The following GTF3C6 variants were observed in gnomAD, a reference collection of about 807,000 sequenced individuals.
The protein encoded by GTF3C6 is general transcription factor IIIC subunit 6.
GTF3C6 carries 11 observed loss-of-function variants against 19.2 expected under a neutral mutation model. The ratio of observed to expected loss-of-function variants is 0.57; its 90% CI spans 0.36 to 0.95. The LOEUF (loss-of-function observed/expected upper bound fraction) is 0.95, where lower values mean the gene tolerates loss of function less well. GTF3C6 is among the 40% of genes least tolerant of loss of function. The pLI, the probability that GTF3C6 is intolerant of heterozygous loss-of-function variation, is 0.01. For synonymous variants in GTF3C6, 87 were observed against 84.2 expected (o/e 1.03, Z -0.18); for missense variants, 222 against 254.7 (o/e 0.87, Z 0.87).
At position 110,966,480 on chromosome 6, in the gene GTF3C6, GA is replaced by G. The variant is rs760205187; in HGVS notation, c.362-1021del. Among the ~76,000 whole-genome samples the G allele has an allele frequency of 3.3e-4, 50 of 150,750 alleles. 2 individuals are homozygous for G. The East Asian group carries it at 8.8e-3, about 26-fold the overall frequency. On this transcript the variant is annotated intron_variant, in intron 5 of 5. Coordinates refer to ENST00000329970, the MANE Select transcript of GTF3C6 (RefSeq NM_138408.4). ...TGACAAAGTGAGACTCCATCTCAAA[GA>G]AAAAAAAAGTCACAGTCTTGTCATT...
intron 5 of GTF3C6, among the ~76,000 whole-genome samples, chr6:110,966,213 C>T (rs1237315954): frequency 6.6e-6 from 1 of 152,154 alleles, no homozygotes; most frequent in Non-Finnish European, 1.5e-5. Flanking sequence ...GTGGCTCACA[C>T]CTGTAATCCC....
chr6:110,959,118 G>A lies in GTF3C6; in HGVS notation c.58-54G>A. ...GGAAATTTGGCTTCTTTTGCTAATT[G>A]CTCCCTCTTGGCCGCTCGCGTGCTA... On this transcript the variant is annotated intron_variant, in intron 1 of 5. Coordinates refer to ENST00000329970, the MANE Select transcript of GTF3C6 (RefSeq NM_138408.4). 3.9e-6 allele frequency: 5 copies of A among 1,281,202 alleles called. No homozygotes were observed. In the South Asian group the frequency reaches 4.8e-5, roughly 12 times the overall value. The allele number at this position is 1,281,202 out of a possible 1,614,324, so 79.4% of individuals were successfully genotyped here.
At chr6:110,958,972 G>A in intron 1 of GTF3C6, 146 bp downstream of exon 1, 1 of 964,502 alleles carries the variant, frequency 1.0e-6, no homozygotes, top group Non-Finnish European at 1.6e-6. Flanking sequence ...GCGAGGAGCC[G>A]GGCAGCTTGG....
intron 2 of GTF3C6, among the ~76,000 whole-genome samples, chr6:110,959,559 T>C (rs1771131534): frequency 6.6e-6 from 1 of 152,238 alleles, no homozygotes; most frequent in Admixed American, 6.5e-5. Context: ...ACCGTACATA[T>C]ATTCCTGTAT....
chr6:110,963,656 T>C (rs1036255106), intron 5 of GTF3C6, among the ~76,000 whole-genome samples: 10 of 151,448 alleles, frequency 6.6e-5, no homozygotes, highest in African/African-American at 2.2e-4. Flanking sequence ...TGGAAACTTC[T>C]GGCAGCTGCA....
At chr6:110,967,363 A>C (rs868063475) in intron 5 of GTF3C6, 147 bp from the exon 6 acceptor site, 2 of 662,890 alleles carry the variant, frequency 3.0e-6, no homozygotes, top group Admixed American at 6.4e-5. Flanking sequence ...ATATTTTATC[A>C]GTAGTTACAG....
At chr6:110,958,864 C>A in intron 1 of GTF3C6, 38 bp downstream of exon 1, 1 of 1,542,716 alleles carries the variant, frequency 6.5e-7, no homozygotes, top group South Asian at 1.2e-5. Context: ...ACCGCAGTGG[C>A]GGTGATGCCT....
At chr6:110,964,209 G>A (rs975732149) in intron 5 of GTF3C6, among the ~76,000 whole-genome samples, 3 of 151,720 alleles carry the variant, frequency 2.0e-5, no homozygotes, top group African/African-American at 7.3e-5. Context: ...GACCACAGGC[G>A]TGTTCCACCA....
At chr6:110,958,925 G>A in intron 1 of GTF3C6, 99 bp downstream of exon 1, 1 of 1,338,010 alleles carries the variant, frequency 7.5e-7, no homozygotes, top group East Asian at 2.5e-5. Context: ...GCCGGAGGGA[G>A]GCCCCACTGC....
At chr6:110,959,101 G>T (rs1435909524) in intron 1 of GTF3C6, 71 bp from the exon 2 acceptor site, 11 of 1,108,696 alleles carry the variant, frequency 9.9e-6, no homozygotes, top group African/African-American at 1.6e-5. Context: ...TGGGAAATTT[G>T]GCTTCTTTTG....
intron 4 of GTF3C6, among the ~76,000 whole-genome samples, chr6:110,960,994 C>T (rs1371466898): frequency 8.7e-5 from 13 of 150,122 alleles, no homozygotes; most frequent in Admixed American, 6.0e-4. Flanking sequence ...TGCAGTGAGC[C>T]GAGATCGCAC....
chr6:110,960,332 T>C, intron 2 of GTF3C6, 82 bp from the exon 3 acceptor site: 1 of 1,212,374 alleles, frequency 8.2e-7, no homozygotes. Flanking sequence ...TTTTGGAGAT[T>C]AGTTTCCTTG....
chr6:110,960,506 T>C, intron 3 of GTF3C6, 29 bp downstream of exon 3: 2 of 1,612,920 alleles, frequency 1.2e-6, no homozygotes, highest in Non-Finnish European at 1.7e-6. Flanking sequence ...GATGGAACTC[T>C]TTCTGATATG....
chr6:110,959,401 A>G (rs752913968), intron 2 of GTF3C6, 149 bp downstream of exon 2: 26 of 574,736 alleles, frequency 4.5e-5, no homozygotes, highest in Non-Finnish European at 7.0e-5. Context: ...ACTAAGTATA[A>G]TTAATTAATA....
rs772749014 is a variant in GTF3C6 at position 110,958,767 on chromosome 6, A to G, written c.-3A>G. ...TGACTAGAAGGCGAGGCGCCGCGGGACCATGGCGGCGGCGGCGGACGAGCG... is the reference window on the plus strand; with the variant it reads ...TGACTAGAAGGCGAGGCGCCGCGGGGCCATGGCGGCGGCGGCGGACGAGCG... On this transcript the variant is annotated 5_prime_UTR_variant, in exon 1 of 6. Coordinates refer to ENST00000329970, the MANE Select transcript of GTF3C6 (RefSeq NM_138408.4). 6.4e-7 allele frequency: 1 copy of G among 1,550,892 alleles called. No individual in the cohort carries two copies. Among genetic ancestry groups the G allele is most frequent in the Non-Finnish European group, 8.7e-7 (1 of 1,146,918 alleles).
chr6:110,961,041 CTG>C (rs767285889), intron 4 of GTF3C6, among the ~76,000 whole-genome samples: 4 of 151,622 alleles, frequency 2.6e-5, no homozygotes, highest in African/African-American at 9.7e-5. Context: ...GCTAGATAAA[CTG>C]TGTCTCAAAA....
At chr6:110,965,193 C>T in intron 5 of GTF3C6, among the ~76,000 whole-genome samples, 1 of 139,516 alleles carries the variant, frequency 7.2e-6, no homozygotes, top group African/African-American at 2.7e-5. Flanking sequence ...CCCAGCTGGT[C>T]TCAAACTCCT....
chr6:110,963,750 G>A (rs1311166764), intron 5 of GTF3C6, among the ~76,000 whole-genome samples: 1 of 147,438 alleles, frequency 6.8e-6, no homozygotes, highest in Non-Finnish European at 1.5e-5. Context: ...CACTCAGGCT[G>A]GAGTACAGTG....
chr6:110,964,767 G>A (rs1026030778), intron 5 of GTF3C6, among the ~76,000 whole-genome samples: 20 of 151,726 alleles, frequency 1.3e-4, no homozygotes, highest in Admixed American at 5.3e-4. Context: ...TCAGCCTCCT[G>A]AGTAGCTGGG....
Sources: gnomAD v4.1 joint callset for allele counts (sites outside exome capture counted in the v4.1 genomes callset) on GRCh38, gnomAD v4.1.1 for gene constraint, MANE v1.5 for transcripts, NCBI Gene and HGNC (gene_info 2026-07-23, HGNC 2026-07-21) for gene names.